Variants in GIPC2 observed in about 807,000 individuals in gnomAD.
The protein encoded by GIPC2 is PDZ domain-containing protein GIPC2.
A neutral mutation model predicts 30.6 loss-of-function variants in GIPC2; 30 were observed. The ratio of observed to expected loss-of-function variants is 0.98; its 90% CI spans 0.73 to 1.33. The LOEUF is 1.33. Ranked by LOEUF, GIPC2 falls within the 40% of genes most tolerant of loss-of-function variation. The pLI is 0.00. For missense variants in GIPC2, 414 were observed against 390.3 expected, an observed-to-expected ratio of 1.06 and a Z score of -0.51; for synonymous variants, 167 against 150.0, an observed-to-expected ratio of 1.11 and a Z score of -0.83.
At chr1:78,047,679 G>A (rs903029684) in intron 1 of GIPC2, among the ~76,000 whole-genome samples, 1 of 152,132 alleles carries the variant, frequency 6.6e-6, no homozygotes, top group Admixed American at 6.5e-5. Context: ...CTCAGTTTTC[G>A]CCATCTGTAA....
intron 3 of GIPC2, among the ~76,000 whole-genome samples, chr1:78,098,652 A>C (rs760398239): frequency 2.1e-4 from 32 of 152,174 alleles, no homozygotes; most frequent in African/African-American, 7.0e-4. Context: ...CAAAATTCAC[A>C]TGTTGAAGTC....
intron 1 of GIPC2, among the ~76,000 whole-genome samples, chr1:78,071,420 C>T (rs1479900481): frequency 1.3e-5 from 2 of 151,658 alleles, no homozygotes; most frequent in East Asian, 3.9e-4. Flanking sequence ...ATTAAATGAA[C>T]ACAATATATT....
At chr1:78,088,909 T>G (rs1275648614) in intron 2 of GIPC2, 1 of 152,192 alleles carries the variant, frequency 6.6e-6, no homozygotes, top group South Asian at 2.1e-4. Flanking sequence ...TCTATCCCAT[T>G]ACTTTTCCAC....
intron 2 of GIPC2, among the ~76,000 whole-genome samples, chr1:78,093,830 C>T (rs1046982806): frequency 1.3e-5 from 2 of 152,086 alleles, no homozygotes; most frequent in Non-Finnish European, 2.9e-5. Context: ...TGCCTCATTC[C>T]TCATCACTGT....
At chr1:78,126,964 A>C (rs1662795000) in intron 5 of GIPC2, among the ~76,000 whole-genome samples, 1 of 152,158 alleles carries the variant, frequency 6.6e-6, no homozygotes, top group Non-Finnish European at 1.5e-5. Flanking sequence ...GAGTGTGAAA[A>C]AGGCCTGACC....
intron 5 of GIPC2, among the ~76,000 whole-genome samples, chr1:78,129,592 A>C (rs544384466): frequency 6.6e-6 from 1 of 152,336 alleles, no homozygotes; most frequent in African/African-American, 2.4e-5. Context: ...AGTAATCCTG[A>C]AGATGAAAGT....
rs193014116 is a variant in GIPC2, at chr1:78,069,965, C to G, written c.241-10710C>G. ...CTTCCCCCATCACTCCCTCTGACAC[C>G]TGAATGGCTCACCATGCTTACTTTC... is the stretch of plus-strand genomic sequence containing the variant. On this transcript the variant is annotated intron_variant, in intron 1 of 5. Transcript: ENST00000370759. 1.8e-3 allele frequency among the ~76,000 whole-genome samples: 273 copies of G among 152,232 alleles called. 1 individual carries two copies. The highest frequency in any genetic ancestry group is 3.3e-3 in the Non-Finnish European group (223 of 68,014).
At position 78,135,727 on chromosome 1, in the gene GIPC2, A is replaced by G. The variant is rs777152909; in HGVS notation, c.932A>G (p.Lys311Arg). The G allele has an allele frequency of 4.4e-5, 71 of 1,613,636 alleles. No individual in the cohort carries two copies. Among genetic ancestry groups the G allele is most frequent in the Non-Finnish European group, 5.8e-5 (69 of 1,179,810 alleles). Residue 311 changes from lysine (K) to arginine (R), a missense_variant, in exon 6 of 6, where the codon AAA becomes AGA. Transcript: ENST00000370759. ...FDVWGVIGDAKRRGL is the reference protein window; with the variant it reads ...FDVWGVIGDARRRGL ...GTTTGGGGAGTCATTGGTGATGCCAAACGAAGAGGATTATGATGTGTACAC... is the reference window on the plus strand; with the variant it reads ...GTTTGGGGAGTCATTGGTGATGCCAGACGAAGAGGATTATGATGTGTACAC...
chr1:78,120,424 T>G (rs1662658552), intron 4 of GIPC2, among the ~76,000 whole-genome samples: 2 of 152,146 alleles, frequency 1.3e-5, no homozygotes, highest in South Asian at 4.1e-4. Context: ...CCACACATTA[T>G]CTATCTCAAA....
intron 3 of GIPC2, among the ~76,000 whole-genome samples, chr1:78,115,961 G>A (rs1201049076): frequency 6.6e-6 from 1 of 152,156 alleles, no homozygotes; most frequent in East Asian, 1.9e-4. Flanking sequence ...GCTGAAGATG[G>A]GAATTATCCT....
intron 2 of GIPC2, among the ~76,000 whole-genome samples, chr1:78,086,655 T>C (rs1055227177): frequency 1.3e-5 from 2 of 152,216 alleles, no homozygotes; most frequent in African/African-American, 4.8e-5. Flanking sequence ...TCTTGTCAGA[T>C]TGAACCCTTT....
chr1:78,131,971 G>T (rs1662907794), intron 5 of GIPC2, among the ~76,000 whole-genome samples: 1 of 152,050 alleles, frequency 6.6e-6, no homozygotes, highest in South Asian at 2.1e-4. Context: ...TTTTTTGAAG[G>T]CAGATACCAT....
At chr1:78,046,375 C>T (rs974853947) in intron 1 of GIPC2, 41 bp downstream of exon 1, 24 of 1,443,050 alleles carry the variant, frequency 1.7e-5, no homozygotes, top group East Asian at 2.4e-5. Flanking sequence ...CTCTCCGCCG[C>T]GCCGCGCCGC....
chr1:78,124,012 T>C (rs1384468820), intron 4 of GIPC2, among the ~76,000 whole-genome samples: 1 of 152,258 alleles, frequency 6.6e-6, no homozygotes, highest in Non-Finnish European at 1.5e-5. Context: ...TGCATGATTT[T>C]AATAAAATTT....
chr1:78,059,288 C>G (rs1661350787), intron 1 of GIPC2, among the ~76,000 whole-genome samples: 1 of 152,216 alleles, frequency 6.6e-6, no homozygotes. Context: ...TCTTTTCTAG[C>G]TTGAATGTTC....
intron 5 of GIPC2, among the ~76,000 whole-genome samples, chr1:78,126,915 G>T (rs541085959): frequency 6.6e-6 from 1 of 152,240 alleles, no homozygotes; most frequent in East Asian, 1.9e-4. Context: ...TGGGTTGAAC[G>T]CTCTGGAACT....
At chr1:78,116,252 C>A (rs910188179) in intron 3 of GIPC2, among the ~76,000 whole-genome samples, 2 of 152,182 alleles carry the variant, frequency 1.3e-5, no homozygotes, top group African/African-American at 4.8e-5. Context: ...GATCCAATCA[C>A]CTCCCACCTG....
chr1:78,111,830 C>T (rs1206582284), intron 3 of GIPC2, among the ~76,000 whole-genome samples: 2 of 152,352 alleles, frequency 1.3e-5, no homozygotes, highest in South Asian at 2.1e-4. Flanking sequence ...GTTCACACAA[C>T]TTGCAAGGTG....
At chr1:78,064,982 T>A (rs896692147) in intron 1 of GIPC2, among the ~76,000 whole-genome samples, 2 of 152,016 alleles carry the variant, frequency 1.3e-5, no homozygotes, top group Non-Finnish European at 2.9e-5. Flanking sequence ...TGACCTCAAG[T>A]AATCTGCCTG....
Sources: gnomAD v4.1 joint callset for allele counts (sites outside exome capture counted in the v4.1 genomes callset) on GRCh38, gnomAD v4.1.1 for gene constraint, MANE v1.5 for transcripts, NCBI Gene and HGNC (gene_info 2026-07-23, HGNC 2026-07-21) for gene names.